The following DCC variants were observed in gnomAD, a reference collection of about 807,000 sequenced individuals.
DCC encodes netrin receptor DCC.
Under a neutral mutation model 172.5 loss-of-function variants are expected in DCC, and 58 were observed. The observed-to-expected ratio is 0.34, with a 90% CI of 0.27 to 0.42. The LOEUF (loss-of-function observed/expected upper bound fraction) is 0.42, where lower values mean the gene tolerates loss of function less well. Ranked by LOEUF, DCC falls within the 10% of genes least tolerant of loss-of-function variation. The probability of loss-of-function intolerance (pLI) is 1.00; values close to 1 mark genes in which losing one functional copy is unlikely to be tolerated. For missense variants in DCC, 1,740 were observed against 1,791.0 expected (o/e 0.97, Z 0.51); for synonymous variants, 709 against 644.5 (o/e 1.10, Z -1.52).
intron 1 of DCC, among the ~76,000 whole-genome samples, chr18:52,513,540 C>T (rs1180685608): frequency 6.6e-6 from 1 of 151,962 alleles, no homozygotes; most frequent in South Asian, 2.1e-4. Flanking sequence ...ATTTGTTTTC[C>T]TTCTAGAAAG....
intron 1 of DCC, among the ~76,000 whole-genome samples, chr18:52,557,816 T>C (rs1303864551): frequency 6.6e-6 from 1 of 152,124 alleles, no homozygotes. Context: ...TCCACCACCA[T>C]GCCTGGCTAA....
chr18:52,674,891 G>A (rs776252877), intron 1 of DCC, among the ~76,000 whole-genome samples: 20 of 147,506 alleles, frequency 1.4e-4, no homozygotes, highest in Non-Finnish European at 1.9e-4. Flanking sequence ...TACCTCTCTG[G>A]CATTAACATC....
At chr18:52,679,951 G>A (rs781037012) in intron 1 of DCC, among the ~76,000 whole-genome samples, 13 of 151,992 alleles carry the variant, frequency 8.6e-5, no homozygotes, top group African/African-American at 2.7e-4. Flanking sequence ...AGAATAAAAG[G>A]TCAAATAATC....
At chr18:53,338,152 A>G (rs534672577) in intron 14 of DCC, among the ~76,000 whole-genome samples, 1 of 152,318 alleles carries the variant, frequency 6.6e-6, no homozygotes, top group East Asian at 1.9e-4. Context: ...CAAAATATTT[A>G]CCATAATCTA....
At chr18:52,908,416 A>G (rs2039922104) in intron 3 of DCC, among the ~76,000 whole-genome samples, 1 of 152,198 alleles carries the variant, frequency 6.6e-6, no homozygotes. Flanking sequence ...TATCCATTAC[A>G]TACACAAAGT....
chr18:52,753,840 TGCAAA>T (rs1465432021), intron 2 of DCC, among the ~76,000 whole-genome samples: 5 of 152,210 alleles, frequency 3.3e-5, no homozygotes. Context: ...ATGTTAGACC[TGCAAA>T]GTGAAGAATC....
chr18:53,307,303 C>A (rs1478921291), intron 13 of DCC, among the ~76,000 whole-genome samples: 2 of 152,058 alleles, frequency 1.3e-5, no homozygotes, highest in African/African-American at 2.4e-5. Context: ...CTATGTTTTT[C>A]TTTTTCCCCT....
At chr18:53,408,241 A>G (rs1909785477) in intron 19 of DCC, among the ~76,000 whole-genome samples, 3 of 152,160 alleles carry the variant, frequency 2.0e-5, no homozygotes, top group Admixed American at 2.0e-4. Context: ...AAAACTGCAC[A>G]TATTTGTTAT....
At chr18:52,939,956 C>A (rs919295386) in intron 5 of DCC, among the ~76,000 whole-genome samples, 14 of 143,434 alleles carry the variant, frequency 9.8e-5, no homozygotes, top group African/African-American at 1.6e-4. Flanking sequence ...GTGTATTTCT[C>A]AATGTGTGGT....
chr18:53,347,268 C>T (rs570105207), intron 15 of DCC, among the ~76,000 whole-genome samples: 1 of 152,238 alleles, frequency 6.6e-6, no homozygotes, highest in South Asian at 2.1e-4. Flanking sequence ...CAACGCTGGT[C>T]GCTTCATCAA....
intron 5 of DCC, among the ~76,000 whole-genome samples, chr18:53,018,447 A>G (rs1031912109): frequency 1.3e-5 from 2 of 152,180 alleles, no homozygotes; most frequent in South Asian, 2.1e-4. Flanking sequence ...AAGTGTTTAC[A>G]TATTCCATTC....
intron 7 of DCC, among the ~76,000 whole-genome samples, chr18:53,099,938 TCTTTC>T (rs1438489730): frequency 2.6e-4 from 21 of 80,492 alleles, no homozygotes; most frequent in African/African-American, 4.8e-4. Context: ...TTCTTTTCTT[TCTTTC>T]TTTTTTTTTT....
At chr18:53,388,713 T>C (rs986851687) in intron 16 of DCC, among the ~76,000 whole-genome samples, 2 of 152,366 alleles carry the variant, frequency 1.3e-5, no homozygotes, top group East Asian at 1.9e-4. Flanking sequence ...CGCTGTTTCA[T>C]TGATTTATTC....
At chr18:53,128,526 T>C (rs2043598288) in intron 7 of DCC, among the ~76,000 whole-genome samples, 1 of 152,114 alleles carries the variant, frequency 6.6e-6, no homozygotes, top group African/African-American at 2.4e-5. Flanking sequence ...AACCATTTCT[T>C]CTGAAACTCT....
At chr18:53,459,840 G>T (rs11874751) in intron 24 of DCC, among the ~76,000 whole-genome samples, 73,989 of 151,634 alleles carry the variant, frequency 0.49, 19,035 homozygotes, top group Non-Finnish European at 0.58. Context: ...TCCTTATTTC[G>T]ATAGATAATT....
chr18:52,707,486 C>T (rs1276708751), intron 1 of DCC, among the ~76,000 whole-genome samples: 4 of 152,070 alleles, frequency 2.6e-5, no homozygotes, highest in Admixed American at 6.5e-5. Context: ...TCATATGATC[C>T]AACAATCTCA....
At chr18:52,485,794 A>G (rs965657136) in intron 1 of DCC, among the ~76,000 whole-genome samples, 6 of 152,180 alleles carry the variant, frequency 3.9e-5, no homozygotes, top group Admixed American at 3.3e-4. Context: ...CATGCAAAGC[A>G]ACCTCTTTTA....
chr18:52,990,134 A>G (rs2145620045), intron 5 of DCC, among the ~76,000 whole-genome samples: 1 of 152,314 alleles, frequency 6.6e-6, no homozygotes, highest in East Asian at 1.9e-4. Flanking sequence ...AACCATAGTA[A>G]GTTGGTGGTA....
chr18:52,838,258 A>G (rs1338754221), intron 2 of DCC, among the ~76,000 whole-genome samples: 1 of 152,168 alleles, frequency 6.6e-6, no homozygotes, highest in Non-Finnish European at 1.5e-5. Flanking sequence ...CTTTTATATT[A>G]TGAATTTTTT....
Sources: allele counts gnomAD v4.1 joint callset (sites outside exome capture counted in the v4.1 genomes callset), GRCh38; gene constraint gnomAD v4.1.1; transcripts MANE v1.5; gene names NCBI Gene and HGNC (gene_info 2026-07-23, HGNC 2026-07-21).